The following KHDRBS2 variants were observed in gnomAD, a reference collection of about 807,000 sequenced individuals.
The protein encoded by KHDRBS2 is KH domain-containing, RNA-binding, signal transduction-associated protein 2.
A neutral mutation model predicts 44.3 loss-of-function variants in KHDRBS2; 26 were observed. The observed-to-expected ratio is 0.59, with a 90% CI of 0.43 to 0.81. The LOEUF is 0.81. Ranked by LOEUF, KHDRBS2 falls within the 40% of genes least tolerant of loss-of-function variation. The probability of loss-of-function intolerance (pLI) is 0.00; values close to 1 mark genes in which losing one functional copy is unlikely to be tolerated. For synonymous variants in KHDRBS2, 194 were observed against 151.1 expected (o/e 1.28, Z -2.08); for missense variants, 476 against 433.1 (o/e 1.10, Z -0.88).
intron 4 of KHDRBS2, among the ~76,000 whole-genome samples, chr6:61,906,972 G>C (rs570486370): frequency 4.7e-4 from 71 of 150,000 alleles, no homozygotes; most frequent in African/African-American, 1.7e-3. Flanking sequence ...TTAGTGTTTT[G>C]AGGAACCTCC....
intron 5 of KHDRBS2, among the ~76,000 whole-genome samples, chr6:61,899,733 G>GCCCC (rs34822365): frequency 1.0e-3 from 127 of 123,166 alleles, no homozygotes; most frequent in Middle Eastern, 4.9e-3. Flanking sequence ...TTGTTTTAAT[G>GCCCC]CCCCCCCCCC....
intron 3 of KHDRBS2, among the ~76,000 whole-genome samples, chr6:62,012,467 T>C (rs934669489): frequency 1.3e-5 from 2 of 152,170 alleles, no homozygotes; most frequent in Non-Finnish European, 2.9e-5. Flanking sequence ...TCACTTCAAG[T>C]CCTTTCTATT....
At chr6:61,656,056 A>C in the KHDRBS2 span, among the ~76,000 whole-genome samples, 1 of 152,094 alleles carries the variant, frequency 6.6e-6, no homozygotes, top group Admixed American at 6.6e-5. Flanking sequence ...GATGCCTTTA[A>C]CATAATTATT....
At chr6:62,159,581 A>C (rs1368229056) in intron 2 of KHDRBS2, among the ~76,000 whole-genome samples, 1 of 152,102 alleles carries the variant, frequency 6.6e-6, no homozygotes, top group Non-Finnish European at 1.5e-5. Context: ...CCTAAATGAC[A>C]AGGGGGTTGG....
At chr6:61,737,792 G>C (rs1267685427) in intron 6 of KHDRBS2, among the ~76,000 whole-genome samples, 2 of 152,096 alleles carry the variant, frequency 1.3e-5, no homozygotes, top group South Asian at 2.1e-4. Flanking sequence ...ATAAGACGTA[G>C]GGAAGAGTAA....
At chr6:62,228,817 C>T (rs1344690636) in intron 1 of KHDRBS2, among the ~76,000 whole-genome samples, 1 of 151,964 alleles carries the variant, frequency 6.6e-6, no homozygotes, top group East Asian at 1.9e-4. Context: ...AGCTGATTTG[C>T]TCCTGTGCCT....
the KHDRBS2 span, among the ~76,000 whole-genome samples, chr6:61,579,809 GT>G: frequency 3.3e-3 from 453 of 138,354 alleles, 61 homozygotes; most frequent in East Asian, 4.2e-3. Flanking sequence ...TGTAATCCCA[GT>G]ACTTTGGGAG....
At chr6:61,758,564 C>G (rs1276550036) in intron 6 of KHDRBS2, among the ~76,000 whole-genome samples, 1 of 151,892 alleles carries the variant, frequency 6.6e-6, no homozygotes, top group Admixed American at 6.6e-5. Flanking sequence ...CAGTGTTGTA[C>G]TTGGTAGTTT....
At chr6:61,563,076 G>A in the KHDRBS2 span, among the ~76,000 whole-genome samples, 1,157 of 152,186 alleles carry the variant, frequency 7.6e-3, 10 homozygotes, top group Non-Finnish European at 0.013. Context: ...GTTAGGAGAA[G>A]ATATTGTTTT....
At chr6:62,204,461 G>T (rs1396492124) in intron 1 of KHDRBS2, among the ~76,000 whole-genome samples, 2 of 152,060 alleles carry the variant, frequency 1.3e-5, no homozygotes, top group East Asian at 3.9e-4. Context: ...GACTTTTTCG[G>T]TTTAGAAATA....
chr6:61,646,980 C>T, the KHDRBS2 span, among the ~76,000 whole-genome samples: 24 of 151,846 alleles, frequency 1.6e-4, no homozygotes, highest in Non-Finnish European at 2.4e-4. Context: ...CCACCATGCC[C>T]GGCTAATTTT....
chr6:61,848,471 A>T (rs189675828), intron 6 of KHDRBS2, among the ~76,000 whole-genome samples: 622 of 46,844 alleles, frequency 0.013, 16 homozygotes, highest in African/African-American at 0.079. Context: ...TGGAGGTTTT[A>T]TATATATATA....
At chr6:61,886,571 A>G (rs1039632191) in intron 6 of KHDRBS2, among the ~76,000 whole-genome samples, 1 of 152,092 alleles carries the variant, frequency 6.6e-6, no homozygotes, top group African/African-American at 2.4e-5. Flanking sequence ...ATATATGTTT[A>G]TATATGTGTT....
At chr6:61,967,913 T>C (rs1169876635) in intron 4 of KHDRBS2, among the ~76,000 whole-genome samples, 19 of 129,360 alleles carry the variant, frequency 1.5e-4, no homozygotes, top group African/African-American at 4.5e-4. Context: ...CATATATATA[T>C]ACACATGCAT....
chr6:61,853,203 T>C (rs1332913134), intron 6 of KHDRBS2, among the ~76,000 whole-genome samples: 3 of 152,200 alleles, frequency 2.0e-5, no homozygotes, highest in Admixed American at 6.5e-5. Flanking sequence ...TTGGGCATTA[T>C]GTGTTTCAGT....
At chr6:62,241,278 C>T (rs547615428) in intron 1 of KHDRBS2, among the ~76,000 whole-genome samples, 56 of 152,174 alleles carry the variant, frequency 3.7e-4, no homozygotes, top group South Asian at 1.5e-3. Context: ...TATAAGGATG[C>T]AGAATAAGGT....
the KHDRBS2 span, among the ~76,000 whole-genome samples, chr6:61,660,814 G>A: frequency 6.6e-6 from 1 of 151,766 alleles, no homozygotes; most frequent in Non-Finnish European, 1.5e-5. Flanking sequence ...GGCAGGATGA[G>A]TACAGTCATA....
chr6:61,898,223 C>T (rs1409824800), intron 5 of KHDRBS2, among the ~76,000 whole-genome samples: 1 of 151,748 alleles, frequency 6.6e-6, no homozygotes, highest in Non-Finnish European at 1.5e-5. Flanking sequence ...TCATGTTATG[C>T]AAAGTTCTCT....
intron 1 of KHDRBS2, among the ~76,000 whole-genome samples, chr6:62,189,148 G>T (rs1824073292): frequency 6.6e-6 from 1 of 151,598 alleles, no homozygotes; most frequent in South Asian, 2.1e-4. Context: ...AAAAGAAGAA[G>T]AAAGAAAAAG....
Sources: allele counts gnomAD v4.1 joint callset (sites outside exome capture counted in the v4.1 genomes callset), GRCh38; gene constraint gnomAD v4.1.1; transcripts MANE v1.5; gene names NCBI Gene and HGNC (gene_info 2026-07-23, HGNC 2026-07-21).